The following ATP2B2 variants were observed in gnomAD, a reference collection of about 807,000 sequenced individuals.
ATP2B2 encodes the protein plasma membrane calcium-transporting ATPase 2.
ATP2B2 carries 15 observed loss-of-function variants against 120.0 expected under a neutral mutation model. The ratio of observed to expected loss-of-function variants is 0.12; its 90% confidence interval spans 0.08 to 0.19. The LOEUF is 0.19. Ranked by LOEUF, ATP2B2 falls within the 10% of genes least tolerant of loss-of-function variation. ATP2B2 has a pLI of 1.00. For synonymous variants in ATP2B2, 694 were observed against 700.3 expected (o/e 0.99, Z 0.14); for missense variants, 1,045 against 1,719.8 (o/e 0.61, Z 6.94).
intron 1 of ATP2B2, among the ~76,000 whole-genome samples, chr3:10,457,588 GC>G (rs1261524208): frequency 1.3e-5 from 2 of 151,668 alleles, no homozygotes; most frequent in African/African-American, 4.9e-5. Flanking sequence ...GAGAGAGCAA[GC>G]CCAAGATATC....
At chr3:10,641,865 C>G (rs1426169642) in intron 1 of ATP2B2, among the ~76,000 whole-genome samples, 1 of 152,088 alleles carries the variant, frequency 6.6e-6, no homozygotes, top group Non-Finnish European at 1.5e-5. Context: ...CACCTACCCA[C>G]TCATTTACCT....
At chr3:10,669,209 G>A (rs965817493) in intron 1 of ATP2B2, among the ~76,000 whole-genome samples, 2 of 152,162 alleles carry the variant, frequency 1.3e-5, no homozygotes, top group African/African-American at 4.8e-5. Context: ...TGGGACCCCA[G>A]GCAGGACATG....
chr3:10,486,326 T>TGTGC (rs1553616081), intron 1 of ATP2B2, among the ~76,000 whole-genome samples: 19 of 105,080 alleles, frequency 1.8e-4, no homozygotes, highest in Admixed American at 1.3e-3. Flanking sequence ...TGTGCGTGCG[T>TGTGC]GTGTGTGTGT....
At chr3:10,490,077 C>T (rs2065877544) in intron 1 of ATP2B2, among the ~76,000 whole-genome samples, 1 of 152,234 alleles carries the variant, frequency 6.6e-6, no homozygotes, top group Non-Finnish European at 1.5e-5. Context: ...CCTCGTGGGG[C>T]CCTCTTGAGG....
chr3:10,393,066 C>T lies in ATP2B2; in HGVS notation c.782-4664G>A, dbSNP rs375284011. Among the ~76,000 whole-genome samples, 6 of 152,318 alleles carry T rather than the reference C, an allele frequency of 3.9e-5. No homozygotes were observed. In the East Asian group the frequency reaches 5.8e-4, roughly 15 times the overall value. The stretch of plus-strand genomic sequence containing the variant: ...GGGTGTCAACTCCATGCCAGGCTCT[C>T]GGGTCTGAGAGAGGTCCCCCTGTGG... On this transcript the variant is annotated intron_variant, in intron 5 of 22. Coordinates refer to ENST00000360273, the MANE Select transcript of ATP2B2 (RefSeq NM_001001331.4).
chr3:10,707,573 C>T (rs1231382532), intron 1 of ATP2B2, among the ~76,000 whole-genome samples: 1 of 152,190 alleles, frequency 6.6e-6, no homozygotes, highest in Non-Finnish European at 1.5e-5. Context: ...TCTAGCGTCC[C>T]GGACGCCCCC....
At chr3:10,656,164 T>C (rs1244549704) in intron 1 of ATP2B2, among the ~76,000 whole-genome samples, 3 of 152,026 alleles carry the variant, frequency 2.0e-5, no homozygotes, top group African/African-American at 7.2e-5. Flanking sequence ...AAAAAGGTGG[T>C]GAGGAAGTTG....
At chr3:10,475,392 T>C (rs2125300421) in intron 1 of ATP2B2, among the ~76,000 whole-genome samples, 1 of 152,346 alleles carries the variant, frequency 6.6e-6, no homozygotes, top group South Asian at 2.1e-4. Flanking sequence ...TGCAGGCTCC[T>C]GCAGAATGCC....
At position 10,450,133 on chromosome 3, in the gene ATP2B2, A is replaced by G. The variant is rs532945407; in HGVS notation, c.-319-271T>C. ...GTGGAACACACTGGCTTCACAACACACACACTGTGTGTACACACATCCCCC... is the reference window on the plus strand; with the variant it reads ...GTGGAACACACTGGCTTCACAACACGCACACTGTGTGTACACACATCCCCC... On this transcript the variant is annotated intron_variant, in intron 1 of 22. Transcript: ENST00000360273. Among the ~76,000 whole-genome samples the G allele has an allele frequency of 2.8e-3, 432 of 152,256 alleles. 3 individuals are homozygous for G. The highest frequency in any genetic ancestry group is 9.8e-3 in the African/African-American group (406 of 41,532).
At chr3:10,390,002 A>T (rs2061797575) in intron 5 of ATP2B2, among the ~76,000 whole-genome samples, 1 of 151,122 alleles carries the variant, frequency 6.6e-6, no homozygotes, top group Non-Finnish European at 1.5e-5. Flanking sequence ...CCAGGCACAC[A>T]TTTTTTTTTC....
At chr3:10,390,632 C>T (rs2124892410) in intron 5 of ATP2B2, among the ~76,000 whole-genome samples, 1 of 152,252 alleles carries the variant, frequency 6.6e-6, no homozygotes, top group Non-Finnish European at 1.5e-5. Context: ...TAAATGCCAG[C>T]CTCTCCCTGC....
chr3:10,529,384 G>A (rs947789952), intron 3 of ATP2B2, among the ~76,000 whole-genome samples: 8 of 152,104 alleles, frequency 5.3e-5, no homozygotes, highest in Non-Finnish European at 8.8e-5. Flanking sequence ...CTGGCTTCCC[G>A]TGTCTCCAGA....
chr3:10,414,808 C>T (rs1051801368), intron 2 of ATP2B2, among the ~76,000 whole-genome samples: 34 of 152,134 alleles, frequency 2.2e-4, no homozygotes, highest in African/African-American at 8.2e-4. Flanking sequence ...TTCCCCAGCC[C>T]CCGCCCTTGC....
At chr3:10,512,214 G>A (rs1241760239) in intron 3 of ATP2B2, among the ~76,000 whole-genome samples, 1 of 152,140 alleles carries the variant, frequency 6.6e-6, no homozygotes, top group Admixed American at 6.5e-5. Flanking sequence ...CTGCTGAAGA[G>A]GGTTGGGGAC....
chr3:10,480,508 C>G (rs569884067), intron 1 of ATP2B2, among the ~76,000 whole-genome samples: 2 of 152,328 alleles, frequency 1.3e-5, no homozygotes, highest in African/African-American at 4.8e-5. Context: ...CTGAAGCACA[C>G]AGGCTTTGAG....
intron 2 of ATP2B2, among the ~76,000 whole-genome samples, chr3:10,617,834 C>T (rs1177605902): frequency 6.6e-6 from 1 of 151,598 alleles, no homozygotes; most frequent in Non-Finnish European, 1.5e-5. Context: ...TGGTGTGTGC[C>T]CCAAGGGAGC....
chr3:10,379,322 GACAAC>G (rs748254211), intron 8 of ATP2B2, 38 bp from the exon 9 acceptor site: 2 of 1,607,480 alleles, frequency 1.2e-6, no homozygotes, highest in Non-Finnish European at 1.7e-6. Flanking sequence ...ACAGAGAACA[GACAAC>G]ACATGGTCGG....
chr3:10,615,411 A>G (rs942975670), intron 2 of ATP2B2, among the ~76,000 whole-genome samples: 4 of 152,224 alleles, frequency 2.6e-5, no homozygotes, highest in African/African-American at 9.6e-5. Context: ...GGGAGGGTCA[A>G]GGATGACTCC....
intron 2 of ATP2B2, among the ~76,000 whole-genome samples, chr3:10,561,200 T>A (rs1392868604): frequency 6.6e-6 from 1 of 152,224 alleles, no homozygotes; most frequent in Non-Finnish European, 1.5e-5. Flanking sequence ...AGAACATTTT[T>A]ACTGTATACG....
Sources: gnomAD v4.1 joint callset for allele counts (sites outside exome capture counted in the v4.1 genomes callset) on GRCh38, gnomAD v4.1.1 for gene constraint, MANE v1.5 for transcripts, NCBI Gene and HGNC (gene_info 2026-07-23, HGNC 2026-07-21) for gene names.